Variants in AMMECR1 observed in about 807,000 individuals in gnomAD.
The protein encoded by AMMECR1 is AMMECR nuclear protein 1, also known as nuclear protein AMMECR1.
A neutral mutation model predicts 22.5 loss-of-function variants in AMMECR1; 3 were observed. The ratio of observed to expected loss-of-function variants is 0.13; its 90% CI spans 0.06 to 0.35. The LOEUF is 0.35. Among genes scored for constraint, AMMECR1 ranks in the 10% least tolerant of loss-of-function variants. The probability of loss-of-function intolerance (pLI) is 1.00; values close to 1 mark genes in which losing one functional copy is unlikely to be tolerated. For missense variants in AMMECR1, 235 were observed against 278.7 expected, an observed-to-expected ratio of 0.84 and a Z score of 1.12; for synonymous variants, 130 against 116.7, an observed-to-expected ratio of 1.11 and a Z score of -0.74.
In AMMECR1 at chrX:110,201,023, G is replaced by C; in HGVS notation, c.818C>G (p.Ser273Cys). Residue 273 changes from serine to cysteine, a missense_variant, in exon 5 of 6, where the codon TCC becomes TGC. Physicochemically the swap from Ser to Cys is moderately radical, Grantham distance 112. This residue lies in a region of AMMECR1 where 111 missense variants were observed against 181.7 expected (regional missense o/e 0.61). Coordinates refer to ENST00000262844, the MANE Select transcript of AMMECR1 (RefSeq NM_015365.3). ...TTTGTATCCTCCTTTCCTCAATAAG[G>C]AGTCTATGGTCTGTATATGGTCCCA... ...QGWDHIQTIDSLLRKGGYKAP... is the reference protein window; with the variant it reads ...QGWDHIQTIDCLLRKGGYKAP... 8.3e-7 allele frequency: 1 copy of C among 1,203,724 alleles called. No homozygotes were observed. The highest frequency in any genetic ancestry group is 1.1e-6 in the Non-Finnish European group (1 of 889,043).
At chrX:110,220,765 C>T (rs768445629) in intron 2 of AMMECR1, among the ~76,000 whole-genome samples, 13 of 110,911 alleles carry the variant, frequency 1.2e-4, no homozygotes, top group African/African-American at 2.3e-4. Flanking sequence ...TGAGAAGGAA[C>T]GTTAACATTT....
rs149220196 is a variant in AMMECR1, at chrX:110,212,223, C to T, written c.699+4295G>A. ...AAAAGACAGTAAGATGGTAGCCAGACGCGTGGCAATTCATTTGTTTCCTGA... is the reference window on the plus strand; with the variant it reads ...AAAAGACAGTAAGATGGTAGCCAGATGCGTGGCAATTCATTTGTTTCCTGA... On this transcript the variant is annotated intron_variant, in intron 3 of 5. Transcript: ENST00000262844. Among the ~76,000 whole-genome samples, 248 of 111,986 alleles carry T rather than the reference C, an allele frequency of 2.2e-3. 1 individual carries two copies. Among genetic ancestry groups the T allele is most frequent in the Non-Finnish European group, 3.7e-3 (199 of 53,186 alleles).
At chrX:110,205,874 T>C (rs779223401) in intron 3 of AMMECR1, among the ~76,000 whole-genome samples, 9 of 112,379 alleles carry the variant, frequency 8.0e-5, no homozygotes, top group Non-Finnish European at 1.7e-4. Context: ...CTGTGTGTGC[T>C]GATAGAACAT....
At chrX:110,304,153 AGATT>A (rs1288842336) in intron 1 of AMMECR1, among the ~76,000 whole-genome samples, 1 of 112,220 alleles carries the variant, frequency 8.9e-6, no homozygotes, top group Non-Finnish European at 1.9e-5. Flanking sequence ...TTGCTTATAT[AGATT>A]GTTTCTTAAG....
In AMMECR1 at chrX:110,194,506, C is replaced by T. The variant is rs1455571317; in HGVS notation, c.*4014G>A. 1.8e-5 allele frequency: 2 copies of T among 111,866 alleles called. No homozygotes were observed. The highest frequency in any genetic ancestry group is 3.8e-5 in the Non-Finnish European group (2 of 53,139). 9.2% of individuals were successfully genotyped at this position (111,866 alleles called of 1,213,427 possible). On this transcript the variant is annotated 3_prime_UTR_variant, in exon 6 of 6. Coordinates refer to ENST00000262844, the MANE Select transcript of AMMECR1 (RefSeq NM_015365.3). ...GAAAGAAGGAAAAGAGGAGCTACTC[C>T]AGGTAGCTTTTTGCTCATTACAAGT...
At chrX:110,267,856 A>G (rs1468173166) in intron 1 of AMMECR1, among the ~76,000 whole-genome samples, 1 of 112,266 alleles carries the variant, frequency 8.9e-6, no homozygotes, top group African/African-American at 3.2e-5. Flanking sequence ...ACACTATACT[A>G]TGAAATACGT....
intron 2 of AMMECR1, among the ~76,000 whole-genome samples, chrX:110,367,266 C>G (rs1459681467): frequency 8.9e-6 from 1 of 111,898 alleles, no homozygotes; most frequent in Non-Finnish European, 1.9e-5. Context: ...TTCTCTCCTC[C>G]TCAGAGCAAA....
intron 2 of AMMECR1, among the ~76,000 whole-genome samples, chrX:110,326,535 A>T (rs2068098515): frequency 9.0e-6 from 1 of 111,621 alleles, no homozygotes; most frequent in Non-Finnish European, 1.9e-5. Context: ...CTAGCTTATG[A>T]TCTATCCTGA....
intron 2 of AMMECR1, among the ~76,000 whole-genome samples, chrX:110,369,936 G>A (rs761077296): frequency 1.2e-4 from 13 of 110,989 alleles, no homozygotes; most frequent in African/African-American, 2.3e-4. Flanking sequence ...ACTTGTGTGC[G>A]TGTGTACATG....
intron 2 of AMMECR1, among the ~76,000 whole-genome samples, chrX:110,418,217 T>C (rs2068691652): frequency 1.8e-5 from 2 of 112,570 alleles, no homozygotes; most frequent in African/African-American, 6.5e-5. Context: ...GAGATACGCC[T>C]GATGGTCTAA....
At chrX:110,256,893 C>T (rs1159143980) in intron 2 of AMMECR1, among the ~76,000 whole-genome samples, 1 of 111,515 alleles carries the variant, frequency 9.0e-6, no homozygotes. Flanking sequence ...TTTTAAAGTA[C>T]TCAAATTCCT....
chrX:110,364,373 G>A (rs2068283350), intron 2 of AMMECR1, among the ~76,000 whole-genome samples: 1 of 111,140 alleles, frequency 9.0e-6, no homozygotes, highest in Non-Finnish European at 1.9e-5. Flanking sequence ...AACTTTTGGG[G>A]GCGGTGACAC....
chrX:110,320,886 G>A (rs1433677504), upstream of AMMECR1, among the ~76,000 whole-genome samples: 1 of 111,915 alleles, frequency 8.9e-6, no homozygotes, highest in East Asian at 2.8e-4. Flanking sequence ...TGACTAAAAG[G>A]GGGAAAAACA....
chrX:110,436,192 G>A (rs957159258), intron 1 of AMMECR1, among the ~76,000 whole-genome samples: 2 of 112,083 alleles, frequency 1.8e-5, no homozygotes, highest in Non-Finnish European at 3.8e-5. Flanking sequence ...TAGAGCTGCT[G>A]CTTGGACAAG....
At chrX:110,347,885 A>G (rs1196182732) in intron 2 of AMMECR1, among the ~76,000 whole-genome samples, 1 of 112,479 alleles carries the variant, frequency 8.9e-6, no homozygotes, top group Non-Finnish European at 1.9e-5. Flanking sequence ...ACATGGCTTC[A>G]GTGTTATGAC....
chrX:110,240,941 T>A (rs2067628992), intron 2 of AMMECR1, among the ~76,000 whole-genome samples: 1 of 111,694 alleles, frequency 9.0e-6, no homozygotes, highest in Non-Finnish European at 1.9e-5. Flanking sequence ...ACCATACAAC[T>A]ACATGGAAAC....
intron 2 of AMMECR1, among the ~76,000 whole-genome samples, chrX:110,387,620 C>T (rs1239955518): frequency 9.0e-6 from 1 of 111,627 alleles, no homozygotes; most frequent in Non-Finnish European, 1.9e-5. Flanking sequence ...CAATTTACAA[C>T]TTGATTTAGA....
At chrX:110,404,625 C>A (rs1445041223) in intron 2 of AMMECR1, among the ~76,000 whole-genome samples, 1 of 111,729 alleles carries the variant, frequency 9.0e-6, no homozygotes, top group Non-Finnish European at 1.9e-5. Context: ...ATTACGGTAC[C>A]TCAGCCTATT....
chrX:110,310,621 G>A (rs867871903), intron 1 of AMMECR1, among the ~76,000 whole-genome samples: 1 of 111,832 alleles, frequency 8.9e-6, no homozygotes, highest in South Asian at 3.7e-4. Context: ...CTTTTTCTGA[G>A]CACAAGAATA....
Sources: gnomAD v4.1 joint callset for allele counts (sites outside exome capture counted in the v4.1 genomes callset) on GRCh38, gnomAD v4.1.1 for gene constraint, gnomAD v4.1.1 regional missense constraint, MANE v1.5 for transcripts, NCBI Gene and HGNC (gene_info 2026-07-23, HGNC 2026-07-21) for gene names.